RBFOX3: variants seen among roughly 807,000 people sequenced by gnomAD.
RBFOX3 encodes RNA binding fox-1 homolog 3.
RBFOX3 carries 17 observed loss-of-function variants against 48.7 expected under a neutral mutation model. The observed-to-expected ratio is 0.35, with a 90% CI of 0.24 to 0.52. The LOEUF (loss-of-function observed/expected upper bound fraction) is 0.52, where lower values mean the gene tolerates loss of function less well. RBFOX3 is among the 20% of genes least tolerant of loss of function. The probability of loss-of-function intolerance (pLI) is 0.94; values close to 1 mark genes in which losing one functional copy is unlikely to be tolerated. For synonymous variants in RBFOX3, 212 were observed against 209.5 expected (o/e 1.01, Z -0.10); for missense variants, 382 against 497.5 (o/e 0.77, Z 2.21).
At chr17:79,399,817 G>T (rs1716893277) in intron 2 of RBFOX3, among the ~76,000 whole-genome samples, 1 of 152,236 alleles carries the variant, frequency 6.6e-6, no homozygotes, top group South Asian at 2.1e-4. Flanking sequence ...TCTTCAGCAA[G>T]CGTGAACGCG....
intron 1 of RBFOX3, among the ~76,000 whole-genome samples, chr17:79,595,092 TC>T (rs1410383331): frequency 6.6e-6 from 1 of 151,756 alleles, no homozygotes; most frequent in African/African-American, 2.4e-5. Flanking sequence ...ACGCTCCCCA[TC>T]CCACCCTTAG....
At position 79,149,100 on chromosome 17, in the gene RBFOX3, A is replaced by G. The variant is rs114732595; in HGVS notation, c.-33-33352T>C. ...TCTAAAGCTTAAGAAGCACAAGGAG[A>G]TCCTCCAGGGCATGGAGGCTCCCGC... On this transcript the variant is annotated intron_variant, in intron 4 of 14. Transcript: ENST00000693108. 1.2e-3 allele frequency among the ~76,000 whole-genome samples: 189 copies of G among 152,292 alleles called. 1 individual carries two copies. Among genetic ancestry groups the G allele is most frequent in the African/African-American group, 4.3e-3 (179 of 41,562 alleles).
rs968309201 is a variant in RBFOX3, at chr17:79,115,606, G to A, written c.110C>T (p.Thr37Ile). 2 of 1,429,474 alleles carry A rather than the reference G, an allele frequency of 1.4e-6. No homozygotes were observed. The highest frequency in any genetic ancestry group is 2.8e-5 in the Admixed American group (1 of 35,604). The allele number at this position is 1,429,474 out of a possible 1,614,324, so 88.5% of individuals were successfully genotyped here. ...CATGCCATGCTCTGTGGGGACCGGG[G>A]TCTGGCCGGAGTAGTCCTGCGTGGG... ...PHPTQDYSGQ[T>I]PVPTEHGMTL... The change falls in exon 5 of 15, where the codon ACC becomes ATC. Residue 37 changes from threonine (T) to isoleucine (I), a missense_variant. Physicochemically the swap from Thr to Ile is moderately conservative, Grantham distance 89. Coordinates refer to ENST00000693108, the MANE Select transcript of RBFOX3 (RefSeq NM_001350451.2).
At chr17:79,281,829 T>C (rs900803322) in intron 3 of RBFOX3, among the ~76,000 whole-genome samples, 13 of 152,308 alleles carry the variant, frequency 8.5e-5, no homozygotes, top group African/African-American at 2.6e-4. Context: ...GATCTTGCAC[T>C]TGGTCAAGCT....
At chr17:79,503,450 C>T (rs1298184336) in intron 1 of RBFOX3, among the ~76,000 whole-genome samples, 3 of 152,302 alleles carry the variant, frequency 2.0e-5, no homozygotes, top group East Asian at 1.9e-4. Context: ...GTGTATTTAA[C>T]GTAATATATT....
chr17:79,115,921 G>A (rs879878047), intron 4 of RBFOX3, among the ~76,000 whole-genome samples, 173 bp from the exon 5 acceptor site: 1 of 152,188 alleles, frequency 6.6e-6, no homozygotes, highest in African/African-American at 2.4e-5. Context: ...GCAGGAGGGG[G>A]TGCTGCGCTG....
chr17:79,476,430 T>C (rs1320992144), intron 2 of RBFOX3, among the ~76,000 whole-genome samples: 2 of 152,020 alleles, frequency 1.3e-5, no homozygotes, highest in Non-Finnish European at 2.9e-5. Context: ...AGCCAACAAG[T>C]ATAGGGCAAA....
intron 4 of RBFOX3, among the ~76,000 whole-genome samples, chr17:79,192,764 T>C (rs2054781963): frequency 6.6e-6 from 1 of 152,142 alleles, no homozygotes; most frequent in Admixed American, 6.5e-5. Context: ...AGCACGGGTG[T>C]CAGTGAACTC....
chr17:79,165,414 G>A (rs949274547), intron 4 of RBFOX3, among the ~76,000 whole-genome samples: 3 of 152,200 alleles, frequency 2.0e-5, no homozygotes, highest in African/African-American at 4.8e-5. Flanking sequence ...ACTGAGCTGG[G>A]AAAGCCTGGG....
intron 1 of RBFOX3, among the ~76,000 whole-genome samples, chr17:79,490,793 G>A (rs1201693067): frequency 6.6e-6 from 1 of 151,144 alleles, no homozygotes; most frequent in African/African-American, 2.4e-5. Context: ...CCTACAAGAT[G>A]GCAAGCTCTA....
intron 4 of RBFOX3, among the ~76,000 whole-genome samples, chr17:79,218,782 C>T (rs538283179): frequency 1.3e-5 from 2 of 152,300 alleles, no homozygotes; most frequent in African/African-American, 2.4e-5. Context: ...TAGTGGGACA[C>T]ATCAGGGCAT....
intron 1 of RBFOX3, among the ~76,000 whole-genome samples, chr17:79,567,080 C>T (rs908463318): frequency 1.6e-3 from 246 of 152,240 alleles, no homozygotes; most frequent in African/African-American, 5.7e-3. Flanking sequence ...TTCCCGTTCT[C>T]CTTCCCAGCC....
At chr17:79,314,965 C>G (rs375605842) in intron 2 of RBFOX3, among the ~76,000 whole-genome samples, 1 of 151,838 alleles carries the variant, frequency 6.6e-6, no homozygotes, top group African/African-American at 2.4e-5. Flanking sequence ...TTGTTAATTG[C>G]AGGTAGAGGA....
At chr17:79,174,339 C>T (rs1398284978) in intron 4 of RBFOX3, among the ~76,000 whole-genome samples, 2 of 150,736 alleles carry the variant, frequency 1.3e-5, no homozygotes, top group Non-Finnish European at 3.0e-5. Flanking sequence ...CACACGCACA[C>T]AATGCAGCCA....
intron 2 of RBFOX3, among the ~76,000 whole-genome samples, chr17:79,435,484 C>T (rs956306254): frequency 4.6e-5 from 7 of 152,216 alleles, no homozygotes; most frequent in Admixed American, 6.5e-5. Flanking sequence ...CCTGAGCCTA[C>T]GCTCCAAACC....
intron 4 of RBFOX3, among the ~76,000 whole-genome samples, chr17:79,189,453 A>G (rs2054044427): frequency 6.6e-6 from 1 of 152,230 alleles, no homozygotes; most frequent in South Asian, 2.1e-4. Context: ...CTCTCCTAAC[A>G]GGATCAACCC....
At chr17:79,339,069 T>C (rs1335356158) in intron 2 of RBFOX3, among the ~76,000 whole-genome samples, 1 of 152,060 alleles carries the variant, frequency 6.6e-6, no homozygotes. Context: ...TTTTCTTTTT[T>C]TTTTTTAGAC....
chr17:79,522,001 C>T (rs969824506), intron 1 of RBFOX3, among the ~76,000 whole-genome samples: 1 of 152,152 alleles, frequency 6.6e-6, no homozygotes, highest in Non-Finnish European at 1.5e-5. Context: ...CTGCTGCTCC[C>T]GCTGCTGGTG....
intron 1 of RBFOX3, among the ~76,000 whole-genome samples, chr17:79,519,079 G>A (rs1335819469): frequency 3.3e-5 from 5 of 152,154 alleles, no homozygotes; most frequent in Admixed American, 2.0e-4. Flanking sequence ...TGGGGACACC[G>A]GGCCCCCGAA....
Sources: gnomAD v4.1 joint callset for allele counts (sites outside exome capture counted in the v4.1 genomes callset) on GRCh38, gnomAD v4.1.1 for gene constraint, MANE v1.5 for transcripts, NCBI Gene and HGNC (gene_info 2026-07-23, HGNC 2026-07-21) for gene names.